AHCYL1: variants seen among roughly 807,000 people sequenced by gnomAD.
AHCYL1 encodes the protein S-adenosylhomocysteine hydrolase-like protein 1.
In AHCYL1, 20 loss-of-function variants were observed where a neutral mutation model predicts 79.3. That is an observed-to-expected ratio of 0.25 (90% CI 0.18 to 0.37). The LOEUF (loss-of-function observed/expected upper bound fraction) is 0.37. Among genes scored for constraint, AHCYL1 ranks in the 10% least tolerant of loss-of-function variants. AHCYL1 has a pLI of 1.00. For missense variants in AHCYL1, 330 were observed against 673.6 expected (o/e 0.49, Z 5.65); for synonymous variants, 223 against 242.2 (o/e 0.92, Z 0.74).
intron 6 of AHCYL1, among the ~76,000 whole-genome samples, chr1:110,015,166 C>T (rs1337730246): frequency 6.6e-6 from 1 of 152,194 alleles, no homozygotes; most frequent in African/African-American, 2.4e-5. Flanking sequence ...CTATATATTT[C>T]AAGACTCTAG....
At chr1:109,996,555 C>T (rs1371494352) in intron 1 of AHCYL1, among the ~76,000 whole-genome samples, 2 of 152,130 alleles carry the variant, frequency 1.3e-5, no homozygotes, top group Admixed American at 1.3e-4. Flanking sequence ...GAGATGTGTA[C>T]GTATTCCAGC....
At chr1:110,011,782 C>T (rs1438101273) in intron 3 of AHCYL1, among the ~76,000 whole-genome samples, 1 of 152,160 alleles carries the variant, frequency 6.6e-6, no homozygotes, top group East Asian at 1.9e-4. Flanking sequence ...CTTGTTTGGT[C>T]CTGAGCACCC....
At chr1:110,010,173 G>C (rs1398726726) in intron 2 of AHCYL1, among the ~76,000 whole-genome samples, 1 of 152,176 alleles carries the variant, frequency 6.6e-6, no homozygotes, top group Non-Finnish European at 1.5e-5. Context: ...ACTGAAGAAG[G>C]CTTTTAAAAA....
intron 1 of AHCYL1, chr1:109,985,694 CTG>C (rs1557756496): frequency 3.0e-6 from 1 of 334,188 alleles, no homozygotes; most frequent in Admixed American, 6.5e-5. Flanking sequence ...TAACATGAAA[CTG>C]AAAATCTATG....
chr1:110,018,233 G>A (rs192691574), intron 11 of AHCYL1, 140 bp from the exon 12 acceptor site: 22 of 900,776 alleles, frequency 2.4e-5, no homozygotes, highest in Admixed American at 7.0e-5. Flanking sequence ...CCTAAGGAGC[G>A]GTTATGCATG....
At chr1:110,013,958 A>T (rs1333037064) in intron 5 of AHCYL1, among the ~76,000 whole-genome samples, 1 of 151,154 alleles carries the variant, frequency 6.6e-6, no homozygotes, top group Non-Finnish European at 1.5e-5. Flanking sequence ...ATGCCACCAC[A>T]CCCAGCTAAT....
In AHCYL1 at chr1:109,984,828, C is replaced by A; in HGVS notation, c.-225C>A. 2.9e-6 allele frequency: 1 copy of A among 342,060 alleles called. No individual in the cohort carries two copies. Among genetic ancestry groups the A allele is most frequent in the East Asian group, 6.6e-5 (1 of 15,208 alleles). The allele number at this position is 342,060 out of a possible 1,614,324, so 21.2% of individuals were successfully genotyped here. A position where few individuals can be genotyped will look rare whatever the true frequency, so the allele number is the denominator to read the frequency against. Reference sequence around the variant, plus strand: ...GCGGGCAGGTCGGAGCTCGGAGCTGCTGTTCTGGTTCTCTTGTGGCCGCCG... The same window carrying A: ...GCGGGCAGGTCGGAGCTCGGAGCTGATGTTCTGGTTCTCTTGTGGCCGCCG... On this transcript the variant is annotated 5_prime_UTR_variant, in exon 1 of 17. In the 5' UTR this introduces an upstream ATG that the reference lacks. Transcript: ENST00000369799.
intron 1 of AHCYL1, among the ~76,000 whole-genome samples, chr1:109,986,643 ACC>A (rs1424099972): frequency 6.6e-6 from 1 of 152,216 alleles, no homozygotes; most frequent in East Asian, 1.9e-4. Context: ...AAGCCCTAAT[ACC>A]TGAATTTCCC....
At chr1:109,985,562 CA>C in intron 1 of AHCYL1, 1 of 990,754 alleles carries the variant, frequency 1.0e-6, no homozygotes, top group Non-Finnish European at 1.2e-6. Context: ...GTAAATCTGG[CA>C]GAACTTCCAT....
intron 14 of AHCYL1, 103 bp downstream of exon 14, chr1:110,019,222 C>T: frequency 8.5e-7 from 1 of 1,178,966 alleles, no homozygotes; most frequent in Non-Finnish European, 1.2e-6. Flanking sequence ...TCATCCTATT[C>T]TTTTTTGATG....
At position 109,985,027 on chromosome 1, in the gene AHCYL1, C is replaced by T. The variant is rs547310200; in HGVS notation, c.-26C>T. ...GGGGAAAGAGGCGGGGGCGGCGGGT[C>T]AGCCGCTGGCCGGGCCGGCCGGGGA... On this transcript the variant is annotated 5_prime_UTR_variant, in exon 1 of 17. Transcript: ENST00000369799. The T allele has an allele frequency of 1.3e-6, 2 of 1,518,760 alleles. No homozygotes were observed. Among genetic ancestry groups the T allele is most frequent in the African/African-American group, 2.9e-5 (2 of 70,106 alleles). 94.1% of individuals were successfully genotyped at this position (1,518,760 alleles called of 1,614,324 possible).
intron 16 of AHCYL1, among the ~76,000 whole-genome samples, chr1:110,021,294 A>G (rs1010220786): frequency 6.6e-6 from 1 of 152,172 alleles, no homozygotes; most frequent in Non-Finnish European, 1.5e-5. Flanking sequence ...TAGATAGAGA[A>G]ATTGTGGGAG....
chr1:109,991,365 C>T (rs773427923), intron 1 of AHCYL1, among the ~76,000 whole-genome samples: 2 of 152,216 alleles, frequency 1.3e-5, no homozygotes, highest in African/African-American at 2.4e-5. Flanking sequence ...AAAGCCCCAA[C>T]GCCTCCGCTG....
chr1:109,993,307 T>C (rs1389825468), intron 1 of AHCYL1, among the ~76,000 whole-genome samples: 1 of 152,258 alleles, frequency 6.6e-6, no homozygotes, highest in Non-Finnish European at 1.5e-5. Context: ...TTCAATGTAG[T>C]ACTTCTCAAA....
intron 1 of AHCYL1, among the ~76,000 whole-genome samples, chr1:109,993,914 G>A (rs755905732): frequency 3.3e-5 from 5 of 152,194 alleles, no homozygotes; most frequent in East Asian, 1.9e-4. Context: ...GGGGATTAGC[G>A]ATGAGTTGAA....
intron 1 of AHCYL1, among the ~76,000 whole-genome samples, chr1:109,991,707 G>A (rs1649766521): frequency 6.6e-6 from 1 of 152,194 alleles, no homozygotes; most frequent in Non-Finnish European, 1.5e-5. Context: ...AAATGCTAAT[G>A]TGCTGATCCA....
At chr1:110,014,888 C>T in intron 6 of AHCYL1, 31 bp downstream of exon 6, 1 of 1,579,622 alleles carries the variant, frequency 6.3e-7, no homozygotes, top group Non-Finnish European at 8.7e-7. Flanking sequence ...TACACTTTGA[C>T]AATAGATTTA....
chr1:110,023,209 GAAGAAAGGAAAGCT>G lies in AHCYL1; in HGVS notation c.*1530_*1543del, dbSNP rs1302974789. ...GAGACAGACATTAAAAACAAAAATA[GAAGAAAGGAAAGCT>G]TTCACCCTGCAGCTTCTTAGCAGGG... On this transcript the variant is annotated 3_prime_UTR_variant, in exon 17 of 17. Transcript: ENST00000369799. The G allele has an allele frequency of 2.0e-5, 3 of 152,564 alleles. No individual in the cohort carries two copies. Among genetic ancestry groups the G allele is most frequent in the African/African-American group, 7.2e-5 (3 of 41,424 alleles). The allele number at this position is 152,564 out of a possible 1,614,324, so 9.5% of individuals were successfully genotyped here. A position where few individuals can be genotyped will look rare whatever the true frequency, so the allele number is the denominator to read the frequency against.
chr1:110,016,764 T>C, intron 9 of AHCYL1, 34 bp downstream of exon 9: 1 of 1,612,328 alleles, frequency 6.2e-7, no homozygotes, highest in Non-Finnish European at 8.5e-7. Context: ...TCTTTCTTTT[T>C]GTGTACTTAT....
Sources: gnomAD v4.1 joint callset for allele counts (sites outside exome capture counted in the v4.1 genomes callset) on GRCh38, gnomAD v4.1.1 for gene constraint, MANE v1.5 for transcripts, NCBI Gene and HGNC (gene_info 2026-07-23, HGNC 2026-07-21) for gene names.